Variants in ADGRG6 observed in about 807,000 individuals in gnomAD.
ADGRG6 encodes the protein G-protein coupled receptor 126.
In ADGRG6, 84 loss-of-function variants were observed where a neutral mutation model predicts 142.4. The observed-to-expected ratio is 0.59, with a 90% CI of 0.49 to 0.71. The LOEUF (loss-of-function observed/expected upper bound fraction) is 0.71. Ranked by LOEUF, ADGRG6 falls within the 30% of genes least tolerant of loss-of-function variation. ADGRG6 has a pLI of 0.00. For synonymous variants in ADGRG6, 521 were observed against 520.5 expected (o/e 1.00, Z -0.01); for missense variants, 1,367 against 1,466.6 (o/e 0.93, Z 1.11).
At chr6:142,303,433 C>A (rs1456201857) in intron 1 of ADGRG6, among the ~76,000 whole-genome samples, 1 of 152,226 alleles carries the variant, frequency 6.6e-6, no homozygotes, top group Non-Finnish European at 1.5e-5. Context: ...TGCCCACAAG[C>A]CTAGCACTCT....
chr6:142,438,077 A>G, intron 23 of ADGRG6, 135 bp from the exon 24 acceptor site: 1 of 562,550 alleles, frequency 1.8e-6, no homozygotes, highest in Non-Finnish European at 3.1e-6. Context: ...TTTACATGTC[A>G]GTCTCTTCTC....
At chr6:142,437,626 G>T in intron 23 of ADGRG6, 91 bp downstream of exon 23, 2 of 726,806 alleles carry the variant, frequency 2.8e-6, no homozygotes, top group Non-Finnish European at 2.5e-6. Flanking sequence ...CAGTCCCAGT[G>T]GTAGCAAGCT....
At chr6:142,384,512 G>A (rs9484633) in intron 6 of ADGRG6, among the ~76,000 whole-genome samples, 2,507 of 152,202 alleles carry the variant, frequency 0.016, 73 homozygotes, top group African/African-American at 0.057. Flanking sequence ...TCAGGTGAGT[G>A]GAATTCTTTA....
At chr6:142,341,684 A>T (rs1196516530) in intron 2 of ADGRG6, among the ~76,000 whole-genome samples, 1 of 135,684 alleles carries the variant, frequency 7.4e-6, no homozygotes, top group African/African-American at 2.7e-5. Flanking sequence ...CATATATATA[A>T]ATGGAGACCT....
At chr6:142,384,162 G>A (rs574198121) in intron 6 of ADGRG6, among the ~76,000 whole-genome samples, 1 of 152,108 alleles carries the variant, frequency 6.6e-6, no homozygotes, top group East Asian at 1.9e-4. Context: ...AGAGAAAAAC[G>A]TATTTCCATG....
At chr6:142,311,680 G>A (rs929041472) in intron 2 of ADGRG6, among the ~76,000 whole-genome samples, 6 of 151,700 alleles carry the variant, frequency 4.0e-5, no homozygotes, top group Admixed American at 6.6e-5. Context: ...GCTTCTCTAG[G>A]TAACACCTAG....
At chr6:142,392,644 C>A (rs748339342) in intron 7 of ADGRG6, among the ~76,000 whole-genome samples, 15 of 151,914 alleles carry the variant, frequency 9.9e-5, no homozygotes, top group Non-Finnish European at 1.8e-4. Context: ...CTTGGGTGAT[C>A]TTGGGCAAAC....
In ADGRG6 at chr6:142,383,821, C is replaced by A; in HGVS notation, c.1200C>A (p.Asn400Lys). 1 of 1,558,030 alleles carries A rather than the reference C, an allele frequency of 6.4e-7. No homozygotes were observed. Among genetic ancestry groups the A allele is most frequent in the Non-Finnish European group, 8.9e-7 (1 of 1,129,602 alleles). Residue 400 changes from asparagine (N) to lysine (K), a missense_variant, in exon 6 of 25, where the codon AAC becomes AAA. Transcript: ENST00000367609. ...PTVTTNMPVTNRIDKQRNDGI... is the reference protein window; with the variant it reads ...PTVTTNMPVTKRIDKQRNDGI... ...TCACCACTAACATGCCTGTTACTAA[C>A]AGAATCGATAAACAAAGGAATGGTA... is the stretch of plus-strand genomic sequence containing the variant.
At chr6:142,305,641 G>A (rs950739587) in intron 1 of ADGRG6, among the ~76,000 whole-genome samples, 1 of 152,128 alleles carries the variant, frequency 6.6e-6, no homozygotes, top group Admixed American at 6.5e-5. Flanking sequence ...AAAACCTGTA[G>A]TACAATATTA....
At chr6:142,423,042 T>C (rs1776740773) in intron 22 of ADGRG6, among the ~76,000 whole-genome samples, 1 of 151,540 alleles carries the variant, frequency 6.6e-6, no homozygotes, top group Admixed American at 6.6e-5. Flanking sequence ...TGTGTTTGAG[T>C]TCATTGTAGA....
chr6:142,394,384 C>G (rs1775062091), intron 9 of ADGRG6, among the ~76,000 whole-genome samples: 1 of 151,960 alleles, frequency 6.6e-6, no homozygotes, highest in Admixed American at 6.6e-5. Context: ...CTGAAGTCTC[C>G]CTTTTAATAT....
At chr6:142,303,125 A>T (rs1471696423) in intron 1 of ADGRG6, among the ~76,000 whole-genome samples, 1 of 152,212 alleles carries the variant, frequency 6.6e-6, no homozygotes, top group East Asian at 1.9e-4. Flanking sequence ...TGGCCAACTA[A>T]GAAGTTTCTT....
chr6:142,352,891 G>C (rs1267395801), intron 2 of ADGRG6, among the ~76,000 whole-genome samples: 1 of 152,190 alleles, frequency 6.6e-6, no homozygotes, highest in East Asian at 1.9e-4. Context: ...AATAAAATTA[G>C]ATGAAGTGTG....
At chr6:142,401,542 A>G (rs186601473) in intron 11 of ADGRG6, among the ~76,000 whole-genome samples, 2 of 152,282 alleles carry the variant, frequency 1.3e-5, no homozygotes, top group African/African-American at 4.8e-5. Context: ...AGTGCATTAC[A>G]GTTTTATTTT....
intron 2 of ADGRG6, among the ~76,000 whole-genome samples, chr6:142,318,120 A>ATATATTTATATAATATATATT (rs1260721882): frequency 9.5e-4 from 1 of 1,052 alleles, no homozygotes; most frequent in Non-Finnish European, 2.0e-3. Context: ...ATTATATATT[A>ATATATTTATATAATATATATT]TATATATTAT....
intron 1 of ADGRG6, among the ~76,000 whole-genome samples, chr6:142,303,234 A>G (rs530507284): frequency 7.9e-5 from 12 of 152,150 alleles, no homozygotes; most frequent in African/African-American, 2.4e-4. Context: ...ATGTACAACA[A>G]TTTCTAGAAC....
At chr6:142,351,603 G>A (rs937457701) in intron 2 of ADGRG6, among the ~76,000 whole-genome samples, 21 of 152,224 alleles carry the variant, frequency 1.4e-4, no homozygotes, top group African/African-American at 4.6e-4. Context: ...AAAAACCCTG[G>A]AAGACAACCT....
chr6:142,431,224 G>T (rs1371013279), intron 22 of ADGRG6, among the ~76,000 whole-genome samples: 3 of 151,828 alleles, frequency 2.0e-5, no homozygotes, highest in Non-Finnish European at 4.4e-5. Flanking sequence ...AAGCATGAAG[G>T]TTTTTTTCCT....
chr6:142,435,713 A>G (rs1282437539), intron 22 of ADGRG6, among the ~76,000 whole-genome samples: 1 of 152,196 alleles, frequency 6.6e-6, no homozygotes, highest in East Asian at 1.9e-4. Flanking sequence ...ATCTGCTAGT[A>G]AGAGACGATC....
Sources: allele counts gnomAD v4.1 joint callset (sites outside exome capture counted in the v4.1 genomes callset), GRCh38; gene constraint gnomAD v4.1.1; transcripts MANE v1.5; gene names NCBI Gene and HGNC (gene_info 2026-07-23, HGNC 2026-07-21).